The following EFHD2 variants were observed in gnomAD, a reference collection of about 807,000 sequenced individuals.
EFHD2 encodes EF-hand domain-containing protein D2.
EFHD2 carries 12 observed loss-of-function variants against 20.3 expected under a neutral mutation model. The ratio of observed to expected loss-of-function variants is 0.59; its 90% confidence interval spans 0.38 to 0.96. The LOEUF (loss-of-function observed/expected upper bound fraction) is 0.96. Among genes scored for constraint, EFHD2 ranks in the 40% least tolerant of loss-of-function variants. EFHD2 has a pLI of 0.00. For missense variants in EFHD2, 250 were observed against 334.3 expected, an observed-to-expected ratio of 0.75 and a Z score of 1.97; for synonymous variants, 131 against 143.9, an observed-to-expected ratio of 0.91 and a Z score of 0.64.
chr1:15,416,249 C>T (rs904539401), intron 1 of EFHD2, among the ~76,000 whole-genome samples: 1 of 152,216 alleles, frequency 6.6e-6, no homozygotes, highest in African/African-American at 2.4e-5. Context: ...GGACTGGCTT[C>T]CACTGTGAGA....
rs1360329827 is a variant in EFHD2, at chr1:15,426,412, A to G, written c.456+394A>G. Among the ~76,000 whole-genome samples the G allele has an allele frequency of 6.6e-6, 1 of 152,170 alleles. No homozygotes were observed. Among genetic ancestry groups the G allele is most frequent in the African/African-American group, 2.4e-5 (1 of 41,436 alleles). ...TGATGCAGAGGAAGAGGGCCACGGC[A>G]CTGGGTGACTTCACGCCCAGGATCT... On this transcript the variant is annotated intron_variant, in intron 2 of 3. Transcript: ENST00000375980. This position sits in a 1 kb window ranked among gnomAD's most constrained non-coding sequence, Gnocchi z 4.6.
rs1707945895 is a variant in EFHD2 at position 15,430,213 on chromosome 1, T to G, written c.*1489T>G. On this transcript the variant is annotated 3_prime_UTR_variant, in exon 4 of 4. Coordinates refer to ENST00000375980, the MANE Select transcript of EFHD2 (RefSeq NM_024329.6). ...TAAAATGTTTTTTTCTTTGGGCTTT[T>G]TGCTTCTTTTTTCCCCCCCTTCTCA... 6.5e-6 allele frequency: 1 copy of G among 153,304 alleles called. No individual in the cohort carries two copies. The highest frequency in any genetic ancestry group is 1.9e-4 in the East Asian group (1 of 5,194). 9.5% of individuals were successfully genotyped at this position (153,304 alleles called of 1,614,324 possible).
chr1:15,418,855 G>C (rs1415540080), intron 1 of EFHD2, among the ~76,000 whole-genome samples: 1 of 150,376 alleles, frequency 6.6e-6, no homozygotes, highest in Non-Finnish European at 1.5e-5. Context: ...TCAGAGCCCA[G>C]CGACACCCTT....
intron 1 of EFHD2, among the ~76,000 whole-genome samples, chr1:15,424,113 G>T (rs1337382376): frequency 1.3e-5 from 2 of 151,718 alleles, no homozygotes; most frequent in African/African-American, 2.4e-5. Flanking sequence ...GATCGCTTGA[G>T]CCCAGGAGGT....
chr1:15,425,537 C>A (rs1449386890), intron 1 of EFHD2, among the ~76,000 whole-genome samples: 1 of 151,450 alleles, frequency 6.6e-6, no homozygotes, highest in East Asian at 1.9e-4. Context: ...AAAAAAAAAA[C>A]CCAGAGAATT....
intron 1 of EFHD2, among the ~76,000 whole-genome samples, chr1:15,423,932 G>A (rs149237779): frequency 3.9e-4 from 59 of 152,194 alleles, no homozygotes; most frequent in Admixed American, 5.9e-4. Context: ...GTGCACGCCT[G>A]TAATTCCAGC....
intron 1 of EFHD2, among the ~76,000 whole-genome samples, chr1:15,419,529 GA>G (rs1400955310): frequency 7.7e-6 from 1 of 129,184 alleles, no homozygotes; most frequent in Non-Finnish European, 1.5e-5. Context: ...AGGAAAAAGA[GA>G]GGGGCCAGGG....
intron 1 of EFHD2, among the ~76,000 whole-genome samples, chr1:15,412,854 C>T (rs742363): frequency 1.3e-5 from 2 of 151,936 alleles, no homozygotes; most frequent in Non-Finnish European, 2.9e-5. Context: ...ACTCTGAGGG[C>T]GACTGAGGGG....
At position 15,426,772 on chromosome 1, in the gene EFHD2, T is replaced by C. The variant is rs922357422; in HGVS notation, c.457-378T>C. Among the ~76,000 whole-genome samples the C allele has an allele frequency of 1.4e-4, 21 of 152,132 alleles. No individual in the cohort carries two copies. Among genetic ancestry groups the C allele is most frequent in the Admixed American group, 1.2e-3 (19 of 15,278 alleles). ...CTGAGACTTGGGGTGTCTTTTACTG[T>C]CATGGAGGCTCCCTCATTCTGTCAT... is the stretch of plus-strand genomic sequence containing the variant. On this transcript the variant is annotated intron_variant, in intron 2 of 3. Transcript: ENST00000375980. This position sits in a 1 kb window ranked among gnomAD's most constrained non-coding sequence, Gnocchi z 4.6.
Position 15,425,145 on chromosome 1 carries a change from C to T in EFHD2, c.309-726C>T, listed in dbSNP as rs1423310167. Among the ~76,000 whole-genome samples, 4 of 152,220 alleles carry T rather than the reference C, an allele frequency of 2.6e-5. No individual in the cohort carries two copies. In the East Asian group the frequency reaches 5.8e-4, roughly 22 times the overall value. The stretch of plus-strand genomic sequence containing the variant: ...GGGGGTGAGATGTCCTCCAAGTGCC[C>T]ATGGAGATGCCAGTAAGCCAGCTGG... On this transcript the variant is annotated intron_variant, in intron 1 of 3. Transcript: ENST00000375980.
At position 15,426,086 on chromosome 1, in the gene EFHD2, G is replaced by A; in HGVS notation, c.456+68G>A. 9.6e-6 allele frequency: 14 copies of A among 1,459,680 alleles called. No individual in the cohort carries two copies. Among genetic ancestry groups the A allele is most frequent in the Non-Finnish European group, 1.3e-5 (14 of 1,096,970 alleles). The allele number at this position is 1,459,680 out of a possible 1,614,324, so 90.4% of individuals were successfully genotyped here. ...CCTGAGGACCTGGTGGCCCGGGAGA[G>A]ACCAACCCCCACCCTTTGTCAATGA... is the stretch of plus-strand genomic sequence containing the variant. On this transcript the variant is annotated intron_variant, in intron 2 of 3. Coordinates refer to ENST00000375980, the MANE Select transcript of EFHD2 (RefSeq NM_024329.6). The surrounding 1 kb of genome is among the most constrained non-coding windows in gnomAD (Gnocchi z 4.6).
chr1:15,426,108 A>G lies in EFHD2; in HGVS notation c.456+90A>G. ...AGAGACCAACCCCCACCCTTTGTCA[A>G]TGAATGAATGACATTGCCATTGAAC... On this transcript the variant is annotated intron_variant, in intron 2 of 3. Coordinates refer to ENST00000375980, the MANE Select transcript of EFHD2 (RefSeq NM_024329.6). The surrounding 1 kb of genome is among the most constrained non-coding windows in gnomAD (Gnocchi z 4.6). 7.6e-7 allele frequency: 1 copy of G among 1,308,398 alleles called. No homozygotes were observed. The highest frequency in any genetic ancestry group is 1.5e-5 in the African/African-American group (1 of 65,172). The allele number at this position is 1,308,398 out of a possible 1,614,324, so 81.0% of individuals were successfully genotyped here. A position where few individuals can be genotyped will look rare whatever the true frequency, so the allele number is the denominator to read the frequency against.
intron 3 of EFHD2, chr1:15,428,035 A>T (rs1417627719): frequency 4.3e-6 from 2 of 468,928 alleles, no homozygotes; most frequent in Non-Finnish European, 8.8e-6. Context: ...CCTCTCAACA[A>T]CTCCCTAAGA....
chr1:15,421,882 C>A, intron 1 of EFHD2, among the ~76,000 whole-genome samples: 1 of 152,080 alleles, frequency 6.6e-6, no homozygotes, highest in East Asian at 1.9e-4. Context: ...AGTGCTGGTG[C>A]GTTGGGAGTT....
In EFHD2 at chr1:15,427,417, T is replaced by C; in HGVS notation, c.591+133T>C. 2.1e-6 allele frequency: 3 copies of C among 1,437,588 alleles called. No homozygotes were observed. The East Asian group carries it at 7.5e-5, about 36-fold the overall frequency. 89.1% of individuals were successfully genotyped at this position (1,437,588 alleles called of 1,614,324 possible). On this transcript the variant is annotated intron_variant, in intron 3 of 3. Transcript: ENST00000375980. The stretch of plus-strand genomic sequence containing the variant: ...GATGGGAGCTGACTCCCTGCCAGGC[T>C]GGGCCAGGCCCACACGCTCTGTCTT...
Position 15,413,899 on chromosome 1 carries a change from G to A in EFHD2, c.308+3620G>A, listed in dbSNP as rs571701547. 1.3e-5 allele frequency among the ~76,000 whole-genome samples: 2 copies of A among 152,322 alleles called. No individual in the cohort carries two copies. Among genetic ancestry groups the A allele is most frequent in the East Asian group, 3.9e-4 (2 of 5,184 alleles). On this transcript the variant is annotated intron_variant, in intron 1 of 3. Transcript: ENST00000375980. The surrounding 1 kb of genome is among the most constrained non-coding windows in gnomAD (Gnocchi z 4.4). The stretch of plus-strand genomic sequence containing the variant: ...GACTCTCCATCCCCGTCTCCGTGCG[G>A]CCTCAGGCTACGTCCAGCATCTCTG...
intron 1 of EFHD2, among the ~76,000 whole-genome samples, chr1:15,417,991 T>TC (rs1557498637): frequency 2.2e-5 from 3 of 139,430 alleles, no homozygotes; most frequent in South Asian, 4.8e-4. Context: ...CTTTTTTTTT[T>TC]TTTTTTTTTT....
At chr1:15,418,902 A>G (rs1707739147) in intron 1 of EFHD2, among the ~76,000 whole-genome samples, 1 of 152,212 alleles carries the variant, frequency 6.6e-6, no homozygotes, top group African/African-American at 2.4e-5. Flanking sequence ...TTCCCCTCTG[A>G]GCCTCAGTCT....
rs1186418726 is a variant in EFHD2, at chr1:15,409,976, C to T, written c.5C>T (p.Ala2Val). MATDELATKLSR... is the reference protein window; with the variant it reads MVTDELATKLSR... ...GCGAGTGCCGCGCGGGCCACCATGG[C>T]CACGGACGAGCTGGCCACCAAGCTG... The change falls in exon 1 of 4, where the codon GCC becomes GTC. Residue 2 changes from alanine (A) to valine (V), a missense_variant. Ala to Val is a moderately conservative substitution (Grantham distance 64). Transcript: ENST00000375980. 2 of 1,243,934 alleles carry T rather than the reference C, an allele frequency of 1.6e-6. No individual in the cohort carries two copies. The highest frequency in any genetic ancestry group is 1.6e-5 in the African/African-American group (1 of 63,508). 77.1% of individuals were successfully genotyped at this position (1,243,934 alleles called of 1,614,324 possible).
Sources: gnomAD v4.1 joint callset for allele counts (sites outside exome capture counted in the v4.1 genomes callset) on GRCh38, gnomAD v4.1.1 for gene constraint, Gnocchi (gnomAD v3.1) non-coding constraint, MANE v1.5 for transcripts, NCBI Gene and HGNC (gene_info 2026-07-23, HGNC 2026-07-21) for gene names.